NCKAP5: variants seen among roughly 807,000 people sequenced by gnomAD.
NCKAP5 encodes the protein nck-associated protein 5.
A neutral mutation model predicts 167.0 loss-of-function variants in NCKAP5; 92 were observed. That is an observed-to-expected ratio of 0.55 (90% confidence interval 0.47 to 0.66). The LOEUF is 0.66. NCKAP5 is among the 30% of genes least tolerant of loss of function. NCKAP5 has a pLI of 0.00. For synonymous variants in NCKAP5, 891 were observed against 877.4 expected, an observed-to-expected ratio of 1.02 and a Z score of -0.27; for missense variants, 2,378 against 2,315.0, an observed-to-expected ratio of 1.03 and a Z score of -0.56.
chr2:133,550,951 A>C (rs1417458349), intron 2 of NCKAP5, among the ~76,000 whole-genome samples: 1 of 151,986 alleles, frequency 6.6e-6, no homozygotes. Context: ...TTATACACCA[A>C]CAACAGACAA....
intron 6 of NCKAP5, among the ~76,000 whole-genome samples, chr2:133,100,963 A>T (rs913982106): frequency 6.6e-6 from 1 of 152,166 alleles, no homozygotes; most frequent in Non-Finnish European, 1.5e-5. Context: ...TGTTTTGGAC[A>T]TGAAGTCCTT....
At chr2:133,090,997 C>A (rs548921927) in intron 6 of NCKAP5, among the ~76,000 whole-genome samples, 1 of 152,072 alleles carries the variant, frequency 6.6e-6, no homozygotes, top group Non-Finnish European at 1.5e-5. Flanking sequence ...ATCCCCCTTG[C>A]TGTTCTTGTG....
chr2:132,685,427 C>A (rs1297732632), intron 19 of NCKAP5, among the ~76,000 whole-genome samples: 1 of 152,122 alleles, frequency 6.6e-6, no homozygotes, highest in Non-Finnish European at 1.5e-5. Context: ...GGGCAGCATC[C>A]ATGGAGGGGC....
chr2:132,936,228 C>T (rs527321537), intron 8 of NCKAP5, among the ~76,000 whole-genome samples: 7 of 152,204 alleles, frequency 4.6e-5, no homozygotes, highest in South Asian at 2.1e-4. Context: ...GTGATCTGCC[C>T]GCCTTGGCTT....
Position 133,517,141 on chromosome 2 carries a change from C to T in NCKAP5, c.69+317G>A, listed in dbSNP as rs146436984. Among the ~76,000 whole-genome samples the T allele has an allele frequency of 2.2e-3, 341 of 152,302 alleles. 5 individuals are homozygous for T. The highest frequency in any genetic ancestry group is 7.5e-3 in the African/African-American group (313 of 41,564). ...ATAAATGGGGGATGGAACAACTATA[C>T]GTAGGCTTAGCATTTGGCATCAGCT... is the stretch of plus-strand genomic sequence containing the variant. On this transcript the variant is annotated intron_variant, in intron 3 of 19. Coordinates refer to ENST00000409261, the MANE Select transcript of NCKAP5 (RefSeq NM_207363.3).
intron 19 of NCKAP5, among the ~76,000 whole-genome samples, chr2:132,710,365 T>C (rs1688729228): frequency 6.6e-6 from 1 of 152,228 alleles, no homozygotes. Flanking sequence ...TCACCACCAA[T>C]TTAACTCAAC....
intron 18 of NCKAP5, among the ~76,000 whole-genome samples, chr2:132,727,440 C>T (rs1466268551): frequency 6.6e-6 from 1 of 152,210 alleles, no homozygotes; most frequent in East Asian, 1.9e-4. Context: ...AAGTGTGTTC[C>T]ATGGATCAGC....
chr2:133,634,589 A>C, the NCKAP5 span, among the ~76,000 whole-genome samples: 2 of 152,204 alleles, frequency 1.3e-5, no homozygotes, highest in African/African-American at 4.8e-5. Context: ...ATAGTTTTCC[A>C]AGTAATAACA....
chr2:133,009,865 C>T (rs1440685846), intron 6 of NCKAP5, among the ~76,000 whole-genome samples: 1 of 151,830 alleles, frequency 6.6e-6, no homozygotes, highest in South Asian at 2.1e-4. Flanking sequence ...GTCAGGAGTT[C>T]GAGACCATCC....
chr2:133,148,618 T>C (rs963504867), intron 5 of NCKAP5, among the ~76,000 whole-genome samples: 1 of 152,116 alleles, frequency 6.6e-6, no homozygotes, highest in Non-Finnish European at 1.5e-5. Flanking sequence ...CTCACAGTTT[T>C]GGAGTCTGGG....
rs535746436 is a variant in NCKAP5 at position 132,893,980 on chromosome 2, G to A, written c.580-15064C>T. Among the ~76,000 whole-genome samples, 8 of 152,276 alleles carry A rather than the reference G, an allele frequency of 5.3e-5. No individual in the cohort carries two copies. The South Asian group carries it at 1.0e-3, about 20-fold the overall frequency. On this transcript the variant is annotated intron_variant, in intron 8 of 19. Transcript: ENST00000409261. Reference sequence around the variant, plus strand: ...ATTGTGGAAGGGCCCTGGTGTACCCGGGCATCCCGCTGCCACTGTAATGGG... The same window carrying A: ...ATTGTGGAAGGGCCCTGGTGTACCCAGGCATCCCGCTGCCACTGTAATGGG...
At chr2:133,223,429 A>C (rs2086741398) in intron 4 of NCKAP5, among the ~76,000 whole-genome samples, 1 of 152,126 alleles carries the variant, frequency 6.6e-6, no homozygotes, top group Non-Finnish European at 1.5e-5. Context: ...CGCAGAGGCC[A>C]TGACAATGTC....
intron 11 of NCKAP5, among the ~76,000 whole-genome samples, chr2:132,824,706 G>A (rs1327556613): frequency 6.6e-6 from 1 of 152,130 alleles, no homozygotes; most frequent in Non-Finnish European, 1.5e-5. Flanking sequence ...TCTGGCTAAT[G>A]AATTGTGGAT....
intron 8 of NCKAP5, among the ~76,000 whole-genome samples, chr2:132,941,302 T>G (rs1237290608): frequency 1.3e-5 from 2 of 152,254 alleles, no homozygotes; most frequent in Non-Finnish European, 2.9e-5. Flanking sequence ...AGCATCTCCC[T>G]GTGACTTCCT....
intron 4 of NCKAP5, among the ~76,000 whole-genome samples, chr2:133,291,554 T>C (rs1288679439): frequency 6.6e-6 from 1 of 152,208 alleles, no homozygotes; most frequent in South Asian, 2.1e-4. Flanking sequence ...TACCTTTAAC[T>C]TTCTCTCTCA....
At position 133,105,794 on chromosome 2, in the gene NCKAP5, T is replaced by C. The variant is rs555103865; in HGVS notation, c.341+24184A>G. On this transcript the variant is annotated intron_variant, in intron 6 of 19. Transcript: ENST00000409261. The stretch of plus-strand genomic sequence containing the variant: ...GAAGGAAGCATTTAAATAGCATCTC[T>C]TAAAAAAATGTTGCTGTTGCTCAGT... Among the ~76,000 whole-genome samples, 25 of 152,322 alleles carry C rather than the reference T, an allele frequency of 1.6e-4. No individual in the cohort carries two copies. The South Asian group carries it at 5.2e-3, about 32-fold the overall frequency.
chr2:132,941,899 T>C (rs992357068), intron 8 of NCKAP5, among the ~76,000 whole-genome samples: 6 of 152,208 alleles, frequency 3.9e-5, no homozygotes, highest in Non-Finnish European at 7.3e-5. Flanking sequence ...CATTCATCAC[T>C]GTTGTGATCT....
chr2:132,690,618 C>T (rs1686609221), intron 19 of NCKAP5, among the ~76,000 whole-genome samples: 4 of 152,168 alleles, frequency 2.6e-5, no homozygotes, highest in African/African-American at 9.7e-5. Flanking sequence ...TGAGAACCTA[C>T]AACTTTAAGC....
At chr2:133,511,716 A>C (rs1312247049) in intron 3 of NCKAP5, among the ~76,000 whole-genome samples, 1 of 152,214 alleles carries the variant, frequency 6.6e-6, no homozygotes, top group African/African-American at 2.4e-5. Flanking sequence ...AGAGACACAG[A>C]AATAATAGAC....
Sources: allele counts gnomAD v4.1 joint callset (sites outside exome capture counted in the v4.1 genomes callset), GRCh38; gene constraint gnomAD v4.1.1; transcripts MANE v1.5; gene names NCBI Gene and HGNC (gene_info 2026-07-23, HGNC 2026-07-21).